Variants in MGAT5 observed in about 807,000 individuals in gnomAD.
The protein encoded by MGAT5 is alpha-1,6-mannosylglycoprotein 6-beta-N-acetylglucosaminyltransferase.
In MGAT5, 30 loss-of-function variants were observed where a neutral mutation model predicts 94.3. The observed-to-expected ratio is 0.32, with a 90% confidence interval of 0.24 to 0.43. The LOEUF (loss-of-function observed/expected upper bound fraction) is 0.43, where lower values mean the gene tolerates loss of function less well. Among genes scored for constraint, MGAT5 ranks in the 20% least tolerant of loss-of-function variants. The pLI is 1.00. For synonymous variants in MGAT5, 310 were observed against 322.9 expected, an observed-to-expected ratio of 0.96 and a Z score of 0.43; for missense variants, 691 against 905.5, an observed-to-expected ratio of 0.76 and a Z score of 3.04.
At chr2:134,182,762 G>A (rs1438610033) in intron 1 of MGAT5, among the ~76,000 whole-genome samples, 1 of 147,710 alleles carries the variant, frequency 6.8e-6, no homozygotes, top group Admixed American at 6.7e-5. Context: ...GAATTATATA[G>A]TGCATGTTAG....
chr2:134,366,786 A>G (rs1680459386), intron 10 of MGAT5, among the ~76,000 whole-genome samples: 1 of 152,224 alleles, frequency 6.6e-6, no homozygotes, highest in Non-Finnish European at 1.5e-5. Context: ...GTCTTAGGAT[A>G]GGTGGGATTT....
In MGAT5 at chr2:134,327,220, A is replaced by G. The variant is rs111519600; in HGVS notation, c.573+8481A>G. ...GACATGAAGCAGGGGCGTTTTGAGCACTGATTAACACATTTAATATACAGT... is the reference window on the plus strand; with the variant it reads ...GACATGAAGCAGGGGCGTTTTGAGCGCTGATTAACACATTTAATATACAGT... On this transcript the variant is annotated intron_variant, in intron 4 of 15. Transcript: ENST00000281923. 9.7e-3 allele frequency among the ~76,000 whole-genome samples: 1,474 copies of G among 152,222 alleles called. 8 individuals carry two copies. The highest frequency in any genetic ancestry group is 0.016 in the Non-Finnish European group (1,083 of 67,992).
At chr2:134,164,886 C>CA (rs1179033288) in intron 1 of MGAT5, among the ~76,000 whole-genome samples, 3 of 150,520 alleles carry the variant, frequency 2.0e-5, no homozygotes, top group Admixed American at 6.6e-5. Context: ...ACAACAACAA[C>CA]AAAAAAACAA....
intron 4 of MGAT5, among the ~76,000 whole-genome samples, chr2:134,325,282 C>T (rs1377000933): frequency 1.3e-5 from 2 of 152,126 alleles, no homozygotes; most frequent in Non-Finnish European, 2.9e-5. Flanking sequence ...GGCTTCAATG[C>T]TGTCATCTCC....
chr2:134,229,934 T>C (rs1681271897), intron 1 of MGAT5, among the ~76,000 whole-genome samples: 1 of 152,192 alleles, frequency 6.6e-6, no homozygotes, highest in African/African-American at 2.4e-5. Context: ...TCACTCTCTT[T>C]AGTCAGCAGG....
chr2:134,371,685 T>C (rs1024924799), intron 10 of MGAT5, among the ~76,000 whole-genome samples: 7 of 152,156 alleles, frequency 4.6e-5, no homozygotes, highest in African/African-American at 1.7e-4. Context: ...TCTTTGATGA[T>C]GGAATAGTCT....
chr2:134,261,943 A>T (rs527861234), intron 1 of MGAT5, among the ~76,000 whole-genome samples: 13 of 152,336 alleles, frequency 8.5e-5, no homozygotes, highest in Admixed American at 3.9e-4. Flanking sequence ...CTCTGCATCT[A>T]AGAGGCTCCA....
At chr2:134,320,288 A>T (rs910185060) in intron 4 of MGAT5, among the ~76,000 whole-genome samples, 2 of 152,196 alleles carry the variant, frequency 1.3e-5, no homozygotes, top group African/African-American at 4.8e-5. Context: ...AGTAACTAAA[A>T]GATAGTTACA....
intron 11 of MGAT5, 33 bp downstream of exon 11, chr2:134,403,170 T>A (rs773936125): frequency 1.4e-5 from 22 of 1,572,666 alleles, no homozygotes; most frequent in Non-Finnish European, 1.7e-5. Context: ...GTGTTCAGGT[T>A]ATTGCCATTG....
At chr2:134,370,319 C>T (rs530414548) in intron 10 of MGAT5, among the ~76,000 whole-genome samples, 1 of 152,278 alleles carries the variant, frequency 6.6e-6, no homozygotes, top group South Asian at 2.1e-4. Flanking sequence ...GGCTACTTAG[C>T]CAAGCTTCTC....
chr2:134,225,089 A>G (rs1328585875), intron 1 of MGAT5, among the ~76,000 whole-genome samples: 1 of 151,388 alleles, frequency 6.6e-6, no homozygotes, highest in Non-Finnish European at 1.5e-5. Context: ...AAAAAAAAAA[A>G]AAAAAAAAAA....
At chr2:134,320,548 A>T (rs935866696) in intron 4 of MGAT5, among the ~76,000 whole-genome samples, 13 of 152,056 alleles carry the variant, frequency 8.5e-5, no homozygotes, top group African/African-American at 3.1e-4. Flanking sequence ...CTTGTGAAAC[A>T]GGTTCTGGCC....
chr2:134,240,923 A>G (rs942849692), intron 1 of MGAT5, among the ~76,000 whole-genome samples: 1 of 152,264 alleles, frequency 6.6e-6, no homozygotes, highest in African/African-American at 2.4e-5. Context: ...TGGAAAAAAT[A>G]TATAAAAATA....
At chr2:134,426,729 T>TG in intron 13 of MGAT5, among the ~76,000 whole-genome samples, 1 of 148,558 alleles carries the variant, frequency 6.7e-6, no homozygotes, top group Middle Eastern at 3.4e-3. Context: ...AAAGAAAAAA[T>TG]TTTACATTTT....
At chr2:134,379,857 C>T (rs1681427226) in intron 10 of MGAT5, among the ~76,000 whole-genome samples, 1 of 152,236 alleles carries the variant, frequency 6.6e-6, no homozygotes, top group African/African-American at 2.4e-5. Flanking sequence ...AAGTGGTTTG[C>T]ATCTGAGAGC....
intron 7 of MGAT5, among the ~76,000 whole-genome samples, chr2:134,343,963 C>T (rs1025142208): frequency 6.6e-6 from 1 of 152,140 alleles, no homozygotes; most frequent in Non-Finnish European, 1.5e-5. Flanking sequence ...ACTGGTTCTG[C>T]AGAACCTAGT....
chr2:134,223,722 A>T (rs1680909480), intron 1 of MGAT5, among the ~76,000 whole-genome samples: 1 of 152,204 alleles, frequency 6.6e-6, no homozygotes, highest in Non-Finnish European at 1.5e-5. Flanking sequence ...TTTATGTGCA[A>T]GGTTAGTTTT....
chr2:134,418,077 G>A (rs1338367139), intron 12 of MGAT5, among the ~76,000 whole-genome samples: 1 of 151,446 alleles, frequency 6.6e-6, no homozygotes, highest in African/African-American at 2.4e-5. Flanking sequence ...TGGCCACTGA[G>A]TATTTTTTTC....
intron 1 of MGAT5, among the ~76,000 whole-genome samples, chr2:134,171,069 C>G (rs1688180172): frequency 6.6e-6 from 1 of 152,038 alleles, no homozygotes; most frequent in Admixed American, 6.6e-5. Context: ...CCATGTTGGC[C>G]AGGCTGGTTT....
Sources: allele counts gnomAD v4.1 joint callset (sites outside exome capture counted in the v4.1 genomes callset), GRCh38; gene constraint gnomAD v4.1.1; transcripts MANE v1.5; gene names NCBI Gene and HGNC (gene_info 2026-07-23, HGNC 2026-07-21).